The following RHBDL3 variants were observed in gnomAD, a reference collection of about 807,000 sequenced individuals.
RHBDL3 encodes rhomboid-related protein 3.
In RHBDL3, 28 loss-of-function variants were observed where a neutral mutation model predicts 48.2. The ratio of observed to expected loss-of-function variants is 0.58; its 90% CI spans 0.43 to 0.80. The LOEUF is 0.80. RHBDL3 is among the 30% of genes least tolerant of loss of function. The pLI, the probability that RHBDL3 is intolerant of heterozygous loss-of-function variation, is 0.00. For missense variants in RHBDL3, 464 were observed against 542.7 expected (o/e 0.85, Z 1.44); for synonymous variants, 208 against 232.3 (o/e 0.90, Z 0.95).
intron 2 of RHBDL3, among the ~76,000 whole-genome samples, chr17:32,271,045 T>TA (rs1430412581): frequency 1.3e-5 from 2 of 151,846 alleles, no homozygotes; most frequent in Non-Finnish European, 2.9e-5. Flanking sequence ...TTTAAAAGTT[T>TA]AAAAAAAAAT....
At chr17:32,279,131 TAAAC>T (rs2039982467) in intron 2 of RHBDL3, among the ~76,000 whole-genome samples, 4 of 152,126 alleles carry the variant, frequency 2.6e-5, no homozygotes, top group Non-Finnish European at 5.9e-5. Flanking sequence ...TGTTGTTTCT[TAAAC>T]AAGAACAATA....
chr17:32,297,110 T>C (rs2040469217), intron 5 of RHBDL3, among the ~76,000 whole-genome samples: 1 of 151,340 alleles, frequency 6.6e-6, no homozygotes, highest in Admixed American at 6.6e-5. Flanking sequence ...CTGGGCCTCC[T>C]GCAGTGCTAG....
chr17:32,272,932 C>T (rs893677303), intron 2 of RHBDL3, among the ~76,000 whole-genome samples: 3 of 152,216 alleles, frequency 2.0e-5, no homozygotes, highest in African/African-American at 7.2e-5. Flanking sequence ...GCTGCTGCCA[C>T]CTCAAGGAAT....
chr17:32,281,956 C>T (rs531325683), intron 2 of RHBDL3, among the ~76,000 whole-genome samples: 4 of 152,296 alleles, frequency 2.6e-5, no homozygotes, highest in Admixed American at 6.5e-5. Flanking sequence ...CTGGCTCTGC[C>T]GCTTGCCGGG....
At chr17:32,290,646 C>T (rs376864212) in intron 4 of RHBDL3, among the ~76,000 whole-genome samples, 1 of 151,998 alleles carries the variant, frequency 6.6e-6, no homozygotes, top group Non-Finnish European at 1.5e-5. Context: ...AAACAGCAGC[C>T]GACAGCCTGG....
At chr17:32,274,596 A>T (rs1273507385) in intron 2 of RHBDL3, among the ~76,000 whole-genome samples, 1 of 152,160 alleles carries the variant, frequency 6.6e-6, no homozygotes, top group South Asian at 2.1e-4. Context: ...TAGGTGCAGT[A>T]GCTCACACCT....
At chr17:32,306,925 TAAAGA>T (rs758024441) in intron 7 of RHBDL3, among the ~76,000 whole-genome samples, 46 of 152,142 alleles carry the variant, frequency 3.0e-4, no homozygotes, top group African/African-American at 1.1e-3. Flanking sequence ...TGTCTCAATT[TAAAGA>T]AAAGAAAAGA....
At chr17:32,279,267 A>G (rs2039985161) in intron 2 of RHBDL3, among the ~76,000 whole-genome samples, 1 of 152,190 alleles carries the variant, frequency 6.6e-6, no homozygotes, top group African/African-American at 2.4e-5. Flanking sequence ...CACACATATC[A>G]GCCCTTATCG....
intron 8 of RHBDL3, among the ~76,000 whole-genome samples, chr17:32,317,744 A>T (rs1417177365): frequency 6.6e-6 from 1 of 152,200 alleles, no homozygotes; most frequent in Non-Finnish European, 1.5e-5. Flanking sequence ...GTTCCCTGGG[A>T]TCCCACTGGA....
intron 4 of RHBDL3, among the ~76,000 whole-genome samples, chr17:32,290,760 T>C (rs2040306182): frequency 6.6e-6 from 1 of 152,086 alleles, no homozygotes; most frequent in Non-Finnish European, 1.5e-5. Context: ...GCCAGCACTT[T>C]GGGAGGTCAG....
rs1357517769 is a variant in RHBDL3, at chr17:32,320,966, G to C, written c.952G>C (p.Glu318Gln). The change falls in exon 9 of 9, where the codon GAG becomes CAG. Residue 318 changes from glutamate (E) to glutamine (Q), a missense_variant. Glu to Gln is a conservative substitution (Grantham distance 29, BLOSUM62 2). Transcript: ENST00000269051. ...MAVALICMSM[E>Q]FGRAVWLRFH... is the part of the protein sequence containing the mutation. ...GCTTCCTCCCCTTGCAGTGAGCATG[G>C]AGTTTGGGCGGGCCGTGTGGCTCCG... The C allele has an allele frequency of 2.5e-6, 4 of 1,611,868 alleles. No homozygotes were observed. In the East Asian group the frequency reaches 8.9e-5, roughly 36 times the overall value.
chr17:32,303,539 A>G (rs577384099), intron 6 of RHBDL3, among the ~76,000 whole-genome samples: 16 of 152,232 alleles, frequency 1.1e-4, no homozygotes, highest in Non-Finnish European at 2.2e-4. Context: ...AAGTTATCTG[A>G]CAATAGATCA....
At chr17:32,268,269 G>A (rs2039684827) in intron 2 of RHBDL3, among the ~76,000 whole-genome samples, 1 of 152,196 alleles carries the variant, frequency 6.6e-6, no homozygotes, top group Non-Finnish European at 1.5e-5. Flanking sequence ...GAAGGGCTTG[G>A]GCTGACAATC....
chr17:32,321,734 G>T lies in RHBDL3; in HGVS notation c.*505G>T, dbSNP rs965033167. ...GTGTCTGGGGCTCCAGTAAGAAGAG[G>T]GCCTACTGGACATGTCAGCTGTGAC... is the stretch of plus-strand genomic sequence containing the variant. On this transcript the variant is annotated 3_prime_UTR_variant, in exon 9 of 9. Coordinates refer to ENST00000269051, the MANE Select transcript of RHBDL3 (RefSeq NM_138328.3). 4.1e-6 allele frequency: 1 copy of T among 245,394 alleles called. No homozygotes were observed. Among genetic ancestry groups the T allele is most frequent in the African/African-American group, 2.2e-5 (1 of 45,320 alleles). 15.2% of individuals were successfully genotyped at this position (245,394 alleles called of 1,614,324 possible).
At chr17:32,268,385 A>C (rs1209206764) in intron 2 of RHBDL3, among the ~76,000 whole-genome samples, 2 of 152,172 alleles carry the variant, frequency 1.3e-5, no homozygotes, top group Non-Finnish European at 2.9e-5. Flanking sequence ...TTGAAGTCTA[A>C]TTCAATGTCT....
intron 7 of RHBDL3, among the ~76,000 whole-genome samples, chr17:32,308,272 T>C (rs1434914532): frequency 3.3e-5 from 5 of 152,120 alleles, no homozygotes; most frequent in African/African-American, 1.2e-4. Flanking sequence ...GCATGACACA[T>C]GGGGAGCCCT....
intron 3 of RHBDL3, chr17:32,288,492 G>C: frequency 2.6e-6 from 1 of 384,838 alleles, no homozygotes; most frequent in Non-Finnish European, 4.8e-6. Context: ...GTGTGAACTT[G>C]ATGGATTCCT....
chr17:32,268,902 C>T (rs2039700518), intron 2 of RHBDL3, among the ~76,000 whole-genome samples: 1 of 152,078 alleles, frequency 6.6e-6, no homozygotes, highest in Non-Finnish European at 1.5e-5. Flanking sequence ...GGAAGCTAGG[C>T]AGGAGCTGCA....
chr17:32,292,853 C>T (rs1386578950), intron 4 of RHBDL3, among the ~76,000 whole-genome samples: 1 of 149,794 alleles, frequency 6.7e-6, no homozygotes, highest in Non-Finnish European at 1.5e-5. Context: ...GTGGCTCATG[C>T]CTATAATCTC....
Sources: gnomAD v4.1 joint callset for allele counts (sites outside exome capture counted in the v4.1 genomes callset) on GRCh38, gnomAD v4.1.1 for gene constraint, MANE v1.5 for transcripts, NCBI Gene and HGNC (gene_info 2026-07-23, HGNC 2026-07-21) for gene names.